Variants in HTR2C observed in about 807,000 individuals in gnomAD.
HTR2C encodes 5-hydroxytryptamine (serotonin) receptor 2C, G protein-coupled.
HTR2C carries 5 observed loss-of-function variants against 21.0 expected under a neutral mutation model. The ratio of observed to expected loss-of-function variants is 0.24; its 90% confidence interval spans 0.12 to 0.50. The LOEUF (loss-of-function observed/expected upper bound fraction) is 0.50. Among genes scored for constraint, HTR2C ranks in the 20% least tolerant of loss-of-function variants. The pLI, the probability that HTR2C is intolerant of heterozygous loss-of-function variation, is 0.98. For missense variants in HTR2C, 271 were observed against 371.2 expected, an observed-to-expected ratio of 0.73 and a Z score of 2.22; for synonymous variants, 150 against 145.3, an observed-to-expected ratio of 1.03 and a Z score of -0.23.
intron 2 of HTR2C, among the ~76,000 whole-genome samples, chrX:114,622,135 G>A (rs1305423361): frequency 2.7e-5 from 3 of 111,814 alleles, no homozygotes; most frequent in East Asian, 5.7e-4. Flanking sequence ...TAGCCGGACA[G>A]AGCAAGCCTG....
chrX:114,594,579 G>A (rs1440431164), intron 1 of HTR2C, among the ~76,000 whole-genome samples: 1 of 111,468 alleles, frequency 9.0e-6, no homozygotes, highest in East Asian at 2.8e-4. Context: ...TTTACCCATA[G>A]TAAAGAACAT....
At chrX:114,857,502 G>T (rs1293045306) in intron 5 of HTR2C, among the ~76,000 whole-genome samples, 1 of 111,137 alleles carries the variant, frequency 9.0e-6, no homozygotes, top group Non-Finnish European at 1.9e-5. Flanking sequence ...GACTCATAAT[G>T]TTGGGCACTT....
chrX:114,779,935 G>A (rs868920190), intron 4 of HTR2C, among the ~76,000 whole-genome samples: 2 of 111,177 alleles, frequency 1.8e-5, no homozygotes, highest in African/African-American at 6.5e-5. Context: ...ATGTGTATAT[G>A]TGTGTATATA....
chrX:114,616,576 C>G (rs184978561), intron 2 of HTR2C, among the ~76,000 whole-genome samples: 3 of 97,262 alleles, frequency 3.1e-5, no homozygotes, highest in Admixed American at 2.2e-4. Context: ...CATAAGCCAC[C>G]GCGCCCAGCA....
intron 4 of HTR2C, among the ~76,000 whole-genome samples, chrX:114,813,627 T>C (rs1393256437): frequency 1.8e-5 from 2 of 111,460 alleles, no homozygotes; most frequent in African/African-American, 6.5e-5. Flanking sequence ...AAGGACGCTG[T>C]AACAGCTAGG....
At chrX:114,786,993 T>C (rs1210605324) in intron 4 of HTR2C, among the ~76,000 whole-genome samples, 1 of 111,865 alleles carries the variant, frequency 8.9e-6, no homozygotes, top group African/African-American at 3.3e-5. Context: ...ATTAAGTGGC[T>C]GTGGCACAAA....
chrX:114,843,473 C>T (rs1438477434), intron 4 of HTR2C, among the ~76,000 whole-genome samples: 2 of 111,081 alleles, frequency 1.8e-5, no homozygotes, highest in Admixed American at 9.6e-5. Flanking sequence ...TGAACAATGC[C>T]TAAGGGACCT....
intron 4 of HTR2C, among the ~76,000 whole-genome samples, chrX:114,779,990 A>G (rs1232984017): frequency 5.4e-5 from 6 of 111,360 alleles, no homozygotes; most frequent in Admixed American, 3.8e-4. Context: ...CATAGATCAA[A>G]AATATTTTAA....
chrX:114,724,021 G>A (rs1202566375), intron 2 of HTR2C, among the ~76,000 whole-genome samples: 6 of 102,230 alleles, frequency 5.9e-5, no homozygotes, highest in Non-Finnish European at 1.2e-4. Flanking sequence ...TTCTGTAGAT[G>A]TCTATTAGGT....
At position 114,848,544 on chromosome X, in the gene HTR2C, T is replaced by A. The variant is rs183440837; in HGVS notation, c.550+341T>A. The stretch of plus-strand genomic sequence containing the variant: ...CATAAAGTCTAATTAAAGTCTAAAT[T>A]TTAAAAATATAACATTTCAATCTTA... On this transcript the variant is annotated intron_variant, in intron 5 of 5. Coordinates refer to ENST00000276198, the MANE Select transcript of HTR2C (RefSeq NM_000868.4). 1.9e-3 allele frequency among the ~76,000 whole-genome samples: 212 copies of A among 111,823 alleles called. 2 individuals are homozygous for A. The highest frequency in any genetic ancestry group is 6.5e-3 in the African/African-American group (201 of 30,933).
At chrX:114,839,056 A>C (rs2070811684) in intron 4 of HTR2C, among the ~76,000 whole-genome samples, 1 of 112,487 alleles carries the variant, frequency 8.9e-6, no homozygotes, top group Non-Finnish European at 1.9e-5. Context: ...AATGATGAAC[A>C]ATAATGAACT....
At chrX:114,684,427 AT>A (rs1382105272) in intron 2 of HTR2C, among the ~76,000 whole-genome samples, 2 of 112,273 alleles carry the variant, frequency 1.8e-5, no homozygotes, top group African/African-American at 6.4e-5. Flanking sequence ...CTGAAATTAA[AT>A]GTTCTTCATA....
Position 114,907,471 on chromosome X carries a change from C to A in HTR2C, c.*56C>A. ...CAAGCTACATATGTAGGAAAATTTT[C>A]TTCTTTAATTTTTCTGTTGGTCTTA... On this transcript the variant is annotated 3_prime_UTR_variant, in exon 6 of 6. Transcript: ENST00000276198. 7 of 931,418 alleles carry A rather than the reference C, an allele frequency of 7.5e-6. No individual in the cohort carries two copies. The highest frequency in any genetic ancestry group is 9.0e-6 in the Non-Finnish European group (6 of 663,829). 76.8% of individuals were successfully genotyped at this position (931,418 alleles called of 1,213,427 possible).
chrX:114,708,206 C>T lies in HTR2C; in HGVS notation c.-79-18652C>T, dbSNP rs1932831145. Among the ~76,000 whole-genome samples the T allele has an allele frequency of 3.6e-5, 4 of 111,506 alleles. No homozygotes were observed. In the Admixed American group the frequency reaches 3.8e-4, roughly 11 times the overall value. ...ACTTACTCATGAAATCAACATACCC[C>T]TTTATTTTATCATTTGCTAATCATT... On this transcript the variant is annotated intron_variant, in intron 2 of 5. Coordinates refer to ENST00000276198, the MANE Select transcript of HTR2C (RefSeq NM_000868.4).
intron 4 of HTR2C, among the ~76,000 whole-genome samples, chrX:114,744,742 G>A (rs1396310788): frequency 4.5e-5 from 5 of 111,330 alleles, no homozygotes; most frequent in African/African-American, 1.6e-4. Context: ...TTGAGCCACC[G>A]CACTCAGCCC....
chrX:114,665,879 A>T (rs1394343706), intron 2 of HTR2C, among the ~76,000 whole-genome samples: 1 of 111,630 alleles, frequency 9.0e-6, no homozygotes, highest in African/African-American at 3.3e-5. Context: ...GGACTTGAGC[A>T]GTTCAAACCC....
intron 2 of HTR2C, among the ~76,000 whole-genome samples, chrX:114,699,768 T>A (rs1932401647): frequency 9.0e-6 from 1 of 111,153 alleles, no homozygotes; most frequent in African/African-American, 3.3e-5. Flanking sequence ...AATGATAATG[T>A]TGATTTTGAA....
chrX:114,698,752 A>G (rs1556416272), intron 2 of HTR2C, among the ~76,000 whole-genome samples: 2 of 111,976 alleles, frequency 1.8e-5, no homozygotes, highest in Non-Finnish European at 3.8e-5. Flanking sequence ...GAAGTGAGTT[A>G]TATGTTCTTT....
At chrX:114,714,163 A>G (rs1556419497) in intron 2 of HTR2C, among the ~76,000 whole-genome samples, 1 of 111,828 alleles carries the variant, frequency 8.9e-6, no homozygotes. Context: ...CTGGGACAGG[A>G]AACACTATTT....
Sources: allele counts gnomAD v4.1 joint callset (sites outside exome capture counted in the v4.1 genomes callset), GRCh38; gene constraint gnomAD v4.1.1; transcripts MANE v1.5; gene names NCBI Gene and HGNC (gene_info 2026-07-23, HGNC 2026-07-21).